The following TRIP11 variants were observed in gnomAD, a reference collection of about 807,000 sequenced individuals.
TRIP11 encodes thyroid receptor-interacting protein 11.
A neutral mutation model predicts 223.1 loss-of-function variants in TRIP11; 148 were observed. The observed-to-expected ratio is 0.66, with a 90% confidence interval of 0.58 to 0.76. The LOEUF is 0.76. Ranked by LOEUF, TRIP11 falls within the 30% of genes least tolerant of loss-of-function variation. The pLI is 0.00. For synonymous variants in TRIP11, 762 were observed against 772.6 expected (o/e 0.99, Z 0.23); for missense variants, 2,043 against 2,222.0 (o/e 0.92, Z 1.62).
intron 15 of TRIP11, 78 bp downstream of exon 15, chr14:91,993,731 T>C: frequency 8.5e-7 from 1 of 1,183,098 alleles, no homozygotes; most frequent in Non-Finnish European, 1.2e-6. Context: ...GTTTAGGAGA[T>C]TATTTCCAAG....
At chr14:92,008,380 A>G (rs1195931583) in intron 9 of TRIP11, among the ~76,000 whole-genome samples, 1 of 152,192 alleles carries the variant, frequency 6.6e-6, no homozygotes, top group Non-Finnish European at 1.5e-5. Flanking sequence ...TCTCTTACTA[A>G]AGGAATTTCC....
chr14:92,021,159 G>A (rs766902923), intron 4 of TRIP11, among the ~76,000 whole-genome samples: 13 of 151,356 alleles, frequency 8.6e-5, no homozygotes, highest in Non-Finnish European at 1.5e-4. Flanking sequence ...TTGGGAGGCC[G>A]AGGTGGGCAG....
At chr14:92,029,745 A>T (rs2057239923) in intron 2 of TRIP11, among the ~76,000 whole-genome samples, 1 of 152,250 alleles carries the variant, frequency 6.6e-6, no homozygotes. Context: ...AAACTGACAA[A>T]GGAAAACATT....
At chr14:91,996,770 T>C (rs2056756725) in intron 13 of TRIP11, among the ~76,000 whole-genome samples, 1 of 152,214 alleles carries the variant, frequency 6.6e-6, no homozygotes, top group African/African-American at 2.4e-5. Flanking sequence ...ATCCCACTGA[T>C]GAACTGCTCT....
At chr14:92,010,346 C>T (rs1003826561) in intron 9 of TRIP11, among the ~76,000 whole-genome samples, 2 of 152,154 alleles carry the variant, frequency 1.3e-5, no homozygotes, top group African/African-American at 2.4e-5. Flanking sequence ...CCCTGACCAA[C>T]ATGGAGAAAC....
chr14:92,032,856 C>A (rs957170695), intron 2 of TRIP11, among the ~76,000 whole-genome samples: 3 of 150,578 alleles, frequency 2.0e-5, no homozygotes, highest in African/African-American at 7.3e-5. Context: ...AAAAATTATT[C>A]TTAAATAAAT....
In TRIP11 at chr14:92,039,607, T is replaced by A. The variant is rs1566879716; in HGVS notation, c.79A>T (p.Thr27Ser). The A allele has an allele frequency of 6.2e-6, 10 of 1,613,368 alleles. No homozygotes were observed. The highest frequency in any genetic ancestry group is 5.5e-5 in the South Asian group (5 of 90,810). ...GQVGGSLASL[T>S]GQISNFTKDM... The stretch of plus-strand genomic sequence containing the variant: ...TTTGTAAAGTTTGATATCTGGCCAG[T>A]GAGGGAAGCCAGGCTGCCCCCGACT... The change falls in exon 1 of 21, where the codon ACT becomes TCT. Residue 27 changes from threonine to serine, a missense_variant. Thr to Ser is a moderately conservative substitution (Grantham distance 58, BLOSUM62 1). Transcript: ENST00000267622.
intron 2 of TRIP11, among the ~76,000 whole-genome samples, chr14:92,032,827 C>T (rs1214896082): frequency 4.2e-5 from 6 of 143,058 alleles, no homozygotes; most frequent in East Asian, 2.0e-4. Context: ...AGTGAGACCC[C>T]GTTTCAAAAA....
intron 4 of TRIP11, among the ~76,000 whole-genome samples, chr14:92,020,728 A>G (rs1016896109): frequency 6.6e-6 from 1 of 151,946 alleles, no homozygotes; most frequent in Non-Finnish European, 1.5e-5. Context: ...ACAGAAAGGG[A>G]AACTCAGACT....
chr14:91,989,903 T>G (rs2056651693), intron 15 of TRIP11, among the ~76,000 whole-genome samples: 1 of 152,156 alleles, frequency 6.6e-6, no homozygotes, highest in African/African-American at 2.4e-5. Context: ...TGGAGTTCCA[T>G]CCTGCTTGTG....
At chr14:92,031,890 G>A (rs904474985) in intron 2 of TRIP11, among the ~76,000 whole-genome samples, 3 of 152,080 alleles carry the variant, frequency 2.0e-5, no homozygotes, top group East Asian at 3.9e-4. Context: ...ACAGCTCACC[G>A]CAGCCTTGAC....
At chr14:92,038,971 C>G (rs74071823) in intron 1 of TRIP11, among the ~76,000 whole-genome samples, 1,792 of 152,064 alleles carry the variant, frequency 0.012, 43 homozygotes, top group African/African-American at 0.041. Flanking sequence ...GAAATATGGG[C>G]GAAATGGGCG....
At position 91,967,135 on chromosome 14, in the gene TRIP11, CTTTTTTTTTT is replaced by C. The variant is rs547805058; in HGVS notation, c.*2528_*2537del. On this transcript the variant is annotated 3_prime_UTR_variant, in exon 21 of 21. Coordinates refer to ENST00000267622, the MANE Select transcript of TRIP11 (RefSeq NM_004239.4). ...ACAATGAAAACATTAGGTACTATAG[CTTTTTTTTTT>C]TTTTTTTTTTTTTTGAGACAGAGTC... The C allele has an allele frequency of 5.8e-5, 5 of 85,576 alleles. No homozygotes were observed. Among genetic ancestry groups the C allele is most frequent in the African/African-American group, 1.2e-4 (2 of 16,414 alleles). 5.3% of individuals were successfully genotyped at this position (85,576 alleles called of 1,614,324 possible).
Position 92,014,294 on chromosome 14 carries a change from A to G in TRIP11, c.1107T>C (p.Asp369=). Residue 369 remains aspartate (D), a synonymous_variant, in exon 7 of 21, where the codon GAT becomes GAC. Transcript: ENST00000267622. ...KLQPSAVKQS[D]TMTEKERILA... is the part of the protein sequence containing the mutation. ...GAATTCTTTCCTTTTCTGTCATAGT[A>G]TCACTTTGCTTCACAGCAGAAGGCT... 6.2e-7 allele frequency: 1 copy of G among 1,614,112 alleles called. No individual in the cohort carries two copies. Among genetic ancestry groups the G allele is most frequent in the Non-Finnish European group, 8.5e-7 (1 of 1,180,002 alleles).
chr14:92,015,571 T>C (rs1298097403), intron 6 of TRIP11, 125 bp downstream of exon 6: 3 of 690,770 alleles, frequency 4.3e-6, no homozygotes, highest in Non-Finnish European at 6.9e-6. Context: ...TGCAGGAGAA[T>C]CGCTTGAACC....
rs758182094 is a variant in TRIP11, at chr14:92,014,362, T to C, written c.1039A>G (p.Met347Val). 15 of 1,613,842 alleles carry C rather than the reference T, an allele frequency of 9.3e-6. No individual in the cohort carries two copies. The Admixed American group carries it at 2.5e-4, about 27-fold the overall frequency. Residue 347 changes from methionine to valine, a missense_variant, in exon 7 of 21, where the codon ATG becomes GTG. By Grantham distance (21) the Met-to-Val change is conservative. Coordinates refer to ENST00000267622, the MANE Select transcript of TRIP11 (RefSeq NM_004239.4). Reference protein sequence around the residue: ...EQLNVEKRQIMEECENLKLEC... With the variant: ...EQLNVEKRQIVEECENLKLEC... ...AATTTCAAGTTTTCACATTCTTCCATTATTTGTCTCTTTTCCACATTTAGC... is the reference window on the plus strand; with the variant it reads ...AATTTCAAGTTTTCACATTCTTCCACTATTTGTCTCTTTTCCACATTTAGC...
chr14:91,977,612 CTT>C (rs375940706), intron 16 of TRIP11, among the ~76,000 whole-genome samples: 10 of 144,324 alleles, frequency 6.9e-5, no homozygotes, highest in Admixed American at 6.9e-5. Flanking sequence ...TCATTCTTTT[CTT>C]TTTTTTTTTT....
At chr14:91,998,236 G>GA (rs1170927343) in intron 13 of TRIP11, among the ~76,000 whole-genome samples, 2 of 152,098 alleles carry the variant, frequency 1.3e-5, no homozygotes, top group Non-Finnish European at 2.9e-5. Context: ...AATTTTTTGT[G>GA]AAATAATTTG....
Position 91,969,454 on chromosome 14 carries a change from G to A in TRIP11, c.*219C>T. The A allele has an allele frequency of 1.8e-6, 1 of 568,732 alleles. No individual in the cohort carries two copies. The highest frequency in any genetic ancestry group is 3.1e-6 in the Non-Finnish European group (1 of 319,032). The allele number at this position is 568,732 out of a possible 1,614,324, so 35.2% of individuals were successfully genotyped here. On this transcript the variant is annotated 3_prime_UTR_variant, in exon 21 of 21. Transcript: ENST00000267622. ...AATTAAATGTTCCTAGCTTAAATTA[G>A]GTCAAATCAGAAGGAATAAAGCAGA...
Sources: gnomAD v4.1 joint callset for allele counts (sites outside exome capture counted in the v4.1 genomes callset) on GRCh38, gnomAD v4.1.1 for gene constraint, MANE v1.5 for transcripts, NCBI Gene and HGNC (gene_info 2026-07-23, HGNC 2026-07-21) for gene names.